Variants in SUCLG1 observed in about 807,000 individuals in gnomAD.
SUCLG1 encodes succinate-CoA ligase GDP/ADP-forming subunit alpha, also known as succinate--CoA ligase [ADP/GDP-forming] subunit alpha, mitochondrial.
Under a neutral mutation model 37.3 loss-of-function variants are expected in SUCLG1, and 26 were observed. The ratio of observed to expected loss-of-function variants is 0.70; its 90% confidence interval spans 0.51 to 0.97. The LOEUF (loss-of-function observed/expected upper bound fraction) is 0.97, where lower values mean the gene tolerates loss of function less well. SUCLG1 is among the 50% of genes least tolerant of loss of function. The pLI is 0.00. For synonymous variants in SUCLG1, 163 were observed against 155.6 expected, an observed-to-expected ratio of 1.05 and a Z score of -0.36; for missense variants, 433 against 432.9, an observed-to-expected ratio of 1.00 and a Z score of 0.00.
chr2:84,433,226 G>A (rs1672635744), intron 6 of SUCLG1, 126 bp downstream of exon 6: 3 of 846,384 alleles, frequency 3.5e-6, no homozygotes, highest in Non-Finnish European at 5.9e-6. Context: ...TTAAATTTGA[G>A]ATCGTAACAT....
At chr2:84,425,345 G>A in intron 8 of SUCLG1, 70 bp downstream of exon 8, 1 of 1,578,212 alleles carries the variant, frequency 6.3e-7, no homozygotes, top group Non-Finnish European at 8.7e-7. Context: ...ATGATTTCCA[G>A]GTATCCAGTG....
chr2:84,458,530 C>T (rs1417219215), intron 1 of SUCLG1: 10 of 152,154 alleles, frequency 6.6e-5, no homozygotes, highest in Non-Finnish European at 1.3e-4. Flanking sequence ...ACCTTGGGTA[C>T]TAAGTTTTCG....
intron 1 of SUCLG1, among the ~76,000 whole-genome samples, chr2:84,452,763 A>G (rs1672959655): frequency 1.3e-5 from 2 of 152,162 alleles, no homozygotes; most frequent in Admixed American, 1.3e-4. Context: ...ACCATGTCTT[A>G]CTCATCTTGT....
chr2:84,431,797 T>C, intron 6 of SUCLG1, 138 bp from the exon 7 acceptor site: 1 of 847,990 alleles, frequency 1.2e-6, no homozygotes, highest in South Asian at 1.6e-5. Flanking sequence ...TGCTCTTGCA[T>C]TTAATATTTA....
At chr2:84,449,521 C>T (rs1672903723) in intron 2 of SUCLG1, 128 bp downstream of exon 2, 1 of 644,310 alleles carries the variant, frequency 1.6e-6, no homozygotes, top group Non-Finnish European at 2.6e-6. Context: ...TGAGATACAA[C>T]CCCATTGCTG....
chr2:84,447,683 T>G (rs1047687594), intron 2 of SUCLG1, among the ~76,000 whole-genome samples: 1 of 152,260 alleles, frequency 6.6e-6, no homozygotes, highest in South Asian at 2.1e-4. Flanking sequence ...CTACTTTCCT[T>G]AGAATGTATA....
chr2:84,423,962 T>C (rs1156791728), intron 8 of SUCLG1, among the ~76,000 whole-genome samples, 190 bp from the exon 9 acceptor site: 2 of 152,242 alleles, frequency 1.3e-5, no homozygotes, highest in Non-Finnish European at 2.9e-5. Flanking sequence ...AATCAGTCTG[T>C]GTCAGCCTGA....
rs533059044 is a variant in SUCLG1 at position 84,448,575 on chromosome 2, T to C, written c.201+1074A>G. Among the ~76,000 whole-genome samples, 4 of 150,458 alleles carry C rather than the reference T, an allele frequency of 2.7e-5. No homozygotes were observed. In the South Asian group the frequency reaches 8.4e-4, roughly 32 times the overall value. ...TGCTTTTATCTTGCCATATCTCCTT[T>C]AATAATAAAAAAAGGGATACTTTGG... On this transcript the variant is annotated intron_variant, in intron 2 of 8. Coordinates refer to ENST00000393868, the MANE Select transcript of SUCLG1 (RefSeq NM_003849.4).
intron 2 of SUCLG1, among the ~76,000 whole-genome samples, chr2:84,449,437 A>G (rs1321745091): frequency 6.6e-6 from 1 of 152,164 alleles, no homozygotes; most frequent in African/African-American, 2.4e-5. Flanking sequence ...GTAAGCATAC[A>G]ATATACTCCT....
chr2:84,427,769 T>A (rs1267341391), intron 7 of SUCLG1, among the ~76,000 whole-genome samples: 2 of 152,210 alleles, frequency 1.3e-5, no homozygotes, highest in East Asian at 3.8e-4. Context: ...AAAATTGGTG[T>A]CCCATGAAAA....
At position 84,459,231 on chromosome 2, in the gene SUCLG1, G is replaced by A; in HGVS notation, c.39C>T (p.Thr13=). Reference sequence around the variant, plus strand: ...CGAGGCCGCTGCTGCCGGAGACCATGGTAGCGATGTCAGCGGCAGCGGCAA... The same window carrying A: ...CGAGGCCGCTGCTGCCGGAGACCATAGTAGCGATGTCAGCGGCAGCGGCAA... ...ATLAAAADIA[T]MVSGSSGLAA... The change falls in exon 1 of 9, where the codon ACC becomes ACT. Residue 13 remains threonine, a synonymous_variant. Transcript: ENST00000393868. The A allele has an allele frequency of 6.4e-7, 1 of 1,550,644 alleles. No individual in the cohort carries two copies. The highest frequency in any genetic ancestry group is 8.7e-7 in the Non-Finnish European group (1 of 1,146,852).
intron 5 of SUCLG1, among the ~76,000 whole-genome samples, chr2:84,433,989 G>A (rs1306305819): frequency 6.6e-6 from 1 of 152,042 alleles, no homozygotes; most frequent in Non-Finnish European, 1.5e-5. Context: ...CATGAGAGCT[G>A]GTTCTTGAAA....
chr2:84,454,969 G>T (rs1672996175), intron 1 of SUCLG1, among the ~76,000 whole-genome samples: 1 of 152,016 alleles, frequency 6.6e-6, no homozygotes, highest in Non-Finnish European at 1.5e-5. Context: ...ATTTATTCGT[G>T]CACGTACTCA....
intron 7 of SUCLG1, 47 bp from the exon 8 acceptor site, chr2:84,425,650 A>C: frequency 6.2e-7 from 1 of 1,603,992 alleles, no homozygotes; most frequent in Non-Finnish European, 8.5e-7. Context: ...GAAGTCAATC[A>C]AAACGGGACC....
intron 5 of SUCLG1, among the ~76,000 whole-genome samples, chr2:84,437,123 C>T (rs1012603202): frequency 6.6e-6 from 1 of 152,194 alleles, no homozygotes; most frequent in Non-Finnish European, 1.5e-5. Flanking sequence ...TCAACACGGT[C>T]CCTCCCCTCT....
At position 84,427,434 on chromosome 2, in the gene SUCLG1, T is replaced by C. The variant is rs189551148; in HGVS notation, c.826-1831A>G. On this transcript the variant is annotated intron_variant, in intron 7 of 8. Transcript: ENST00000393868. ...ACCACAGTGATTTTGTAACATGCAT[T>C]CCTCAGTTAGGAAATATGTATGGGT... Among the ~76,000 whole-genome samples the C allele has an allele frequency of 1.3e-3, 200 of 152,346 alleles. 3 individuals are homozygous for C. Among genetic ancestry groups the C allele is most frequent in the Non-Finnish European group, 1.9e-3 (130 of 68,024 alleles).
Position 84,425,431 on chromosome 2 carries a change from C to G in SUCLG1, c.998G>C (p.Gly333Ala). ...VVVSMSPAQL[G>A]TTIYKEFEKR... ...GGAGCTCACCTTGTAGATCGTGGTT[C>G]CCAGCTGTGCAGGAGACATACTGAC... The change falls in exon 8 of 9, where the codon GGA becomes GCA. Residue 333 changes from glycine (G) to alanine (A), a missense_variant. Transcript: ENST00000393868. 2 of 1,614,112 alleles carry G rather than the reference C, an allele frequency of 1.2e-6. No individual in the cohort carries two copies. The highest frequency in any genetic ancestry group is 8.5e-7 in the Non-Finnish European group (1 of 1,180,026).
At chr2:84,428,338 C>T (rs1368633912) in intron 7 of SUCLG1, among the ~76,000 whole-genome samples, 2 of 152,038 alleles carry the variant, frequency 1.3e-5, no homozygotes, top group African/African-American at 4.8e-5. Context: ...ACCTATTCCC[C>T]GTGTGTTCTT....
intron 2 of SUCLG1, chr2:84,449,065 A>G (rs887435848): frequency 9.1e-6 from 2 of 220,406 alleles, no homozygotes; most frequent in Non-Finnish European, 2.0e-5. Flanking sequence ...AGAACAGGAA[A>G]GAGTATGAGA....
Sources: allele counts gnomAD v4.1 joint callset (sites outside exome capture counted in the v4.1 genomes callset), GRCh38; gene constraint gnomAD v4.1.1; transcripts MANE v1.5; gene names NCBI Gene and HGNC (gene_info 2026-07-23, HGNC 2026-07-21).